The following SGIP1 variants were observed in gnomAD, a reference collection of about 807,000 sequenced individuals.
The protein encoded by SGIP1 is SH3GL interacting endocytic adaptor 1.
A neutral mutation model predicts 107.5 loss-of-function variants in SGIP1; 38 were observed. The observed-to-expected ratio is 0.35, with a 90% CI of 0.27 to 0.46. The LOEUF is 0.46. Among genes scored for constraint, SGIP1 ranks in the 20% least tolerant of loss-of-function variants. The pLI, the probability that SGIP1 is intolerant of heterozygous loss-of-function variation, is 1.00. For synonymous variants in SGIP1, 365 were observed against 366.1 expected (o/e 1.00, Z 0.03); for missense variants, 929 against 1,019.5 (o/e 0.91, Z 1.21).
intron 12 of SGIP1, among the ~76,000 whole-genome samples, chr1:66,674,470 G>A (rs2084700253): frequency 6.6e-6 from 1 of 152,154 alleles, no homozygotes; most frequent in Admixed American, 6.5e-5. Context: ...CATGGTAAAT[G>A]TATAATAACA....
intron 1 of SGIP1, among the ~76,000 whole-genome samples, chr1:66,621,616 C>A (rs774728634): frequency 2.0e-5 from 3 of 152,182 alleles, no homozygotes; most frequent in African/African-American, 7.2e-5. Flanking sequence ...CCACTCCACT[C>A]GGCCTCTGTC....
intron 1 of SGIP1, among the ~76,000 whole-genome samples, chr1:66,581,391 T>C (rs961994117): frequency 6.6e-6 from 1 of 152,170 alleles, no homozygotes. Flanking sequence ...GTATTTATGA[T>C]GTAACCATAA....
intron 21 of SGIP1, among the ~76,000 whole-genome samples, chr1:66,738,827 A>G (rs1490161490): frequency 6.6e-6 from 1 of 152,202 alleles, no homozygotes; most frequent in African/African-American, 2.4e-5. Flanking sequence ...GGTGACATTT[A>G]TCAAAATGTA....
In SGIP1 at chr1:66,676,949, A is replaced by G. The variant is rs2085514273; in HGVS notation, c.647-55A>G. ...ACTTGAAATCGAAATTTTAAGTTCT[A>G]AAGTATGGGGATTTTTTTTAACTCA... On this transcript the variant is annotated intron_variant, in intron 12 of 24. Transcript: ENST00000371037. 4.2e-6 allele frequency: 6 copies of G among 1,442,028 alleles called. 1 individual carries two copies. The African/African-American group carries it at 5.7e-5, about 14-fold the overall frequency. The allele number at this position is 1,442,028 out of a possible 1,614,324, so 89.3% of individuals were successfully genotyped here. A position where few individuals can be genotyped will look rare whatever the true frequency, so the allele number is the denominator to read the frequency against.
chr1:66,671,675 G>A (rs1302671015), intron 10 of SGIP1, among the ~76,000 whole-genome samples: 2 of 152,184 alleles, frequency 1.3e-5, no homozygotes, highest in Non-Finnish European at 2.9e-5. Flanking sequence ...CTTTCACTAA[G>A]TGCTGCACTA....
At chr1:66,572,860 A>G (rs1246105903) in intron 1 of SGIP1, among the ~76,000 whole-genome samples, 3 of 152,168 alleles carry the variant, frequency 2.0e-5, no homozygotes, top group African/African-American at 7.2e-5. Context: ...AAGATGAAAT[A>G]TTATTCAGCA....
intron 1 of SGIP1, among the ~76,000 whole-genome samples, chr1:66,585,969 T>A (rs2062550610): frequency 3.9e-5 from 6 of 152,234 alleles, no homozygotes; most frequent in Admixed American, 3.9e-4. Flanking sequence ...AGTCTCCAAC[T>A]ACAATTGTGG....
intron 1 of SGIP1, 83 bp downstream of exon 1, chr1:66,534,451 T>C: frequency 6.6e-7 from 1 of 1,515,816 alleles, no homozygotes; most frequent in Non-Finnish European, 9.2e-7. Flanking sequence ...AGCCAGTGTA[T>C]GTGGCGGTTC....
chr1:66,618,746 T>C (rs570550864), intron 1 of SGIP1, among the ~76,000 whole-genome samples: 2 of 152,332 alleles, frequency 1.3e-5, no homozygotes, highest in African/African-American at 4.8e-5. Flanking sequence ...GAGCTGCCTT[T>C]CCCTCACCCC....
At chr1:66,637,466 T>G (rs2076016442) in intron 4 of SGIP1, among the ~76,000 whole-genome samples, 1 of 151,282 alleles carries the variant, frequency 6.6e-6, no homozygotes, top group Non-Finnish European at 1.5e-5. Context: ...TGTGTGTGTG[T>G]GTGTGTGTGT....
chr1:66,607,399 G>A (rs1368582231), intron 1 of SGIP1, among the ~76,000 whole-genome samples: 1 of 152,210 alleles, frequency 6.6e-6, no homozygotes, highest in Non-Finnish European at 1.5e-5. Context: ...GACATGAACA[G>A]CAAGCTATGT....
rs181022577 is a variant in SGIP1 at position 66,677,826 on chromosome 1, G to A, written c.739+730G>A. Among the ~76,000 whole-genome samples the A allele has an allele frequency of 3.9e-4, 60 of 152,286 alleles. No individual in the cohort carries two copies. The East Asian group carries it at 0.011, about 28-fold the overall frequency. On this transcript the variant is annotated intron_variant, in intron 13 of 24. Transcript: ENST00000371037. ...GTGGAAAGCACTCTTTTCAAAAAAA[G>A]GTGTTTGGGGAGGAGAGAGATGCAG...
At chr1:66,568,888 C>A (rs1437993973) in intron 1 of SGIP1, among the ~76,000 whole-genome samples, 1 of 151,710 alleles carries the variant, frequency 6.6e-6, no homozygotes, top group Non-Finnish European at 1.5e-5. Context: ...TAATAGTATC[C>A]AAAATTTCTC....
chr1:66,738,540 A>G (rs2094343878), intron 21 of SGIP1, among the ~76,000 whole-genome samples: 1 of 152,236 alleles, frequency 6.6e-6, no homozygotes, highest in Admixed American at 6.5e-5. Context: ...TTGTCTTTAG[A>G]TAAATGTTTG....
intron 17 of SGIP1, 80 bp downstream of exon 17, chr1:66,690,396 G>C (rs1206920355): frequency 6.4e-7 from 1 of 1,556,468 alleles, no homozygotes; most frequent in African/African-American, 1.4e-5. Flanking sequence ...CCAAGGCCCT[G>C]TGTTTCTGGT....
chr1:66,634,683 A>G (rs2075439944), intron 3 of SGIP1, among the ~76,000 whole-genome samples: 1 of 152,232 alleles, frequency 6.6e-6, no homozygotes, highest in Non-Finnish European at 1.5e-5. Context: ...GGAAAGATAA[A>G]TTAGTTAATT....
At chr1:66,553,253 A>C (rs1334895797) in intron 1 of SGIP1, among the ~76,000 whole-genome samples, 1 of 152,178 alleles carries the variant, frequency 6.6e-6, no homozygotes, top group Admixed American at 6.5e-5. Flanking sequence ...CAGAGACAGT[A>C]AAGAAGAATT....
At chr1:66,687,252 A>G (rs918415949) in intron 15 of SGIP1, among the ~76,000 whole-genome samples, 2 of 151,496 alleles carry the variant, frequency 1.3e-5, no homozygotes, top group Non-Finnish European at 2.9e-5. Context: ...TTTCCTATGC[A>G]TGGTTTTCAC....
At chr1:66,726,209 A>T (rs1266199032) in intron 19 of SGIP1, among the ~76,000 whole-genome samples, 1 of 152,038 alleles carries the variant, frequency 6.6e-6, no homozygotes, top group African/African-American at 2.4e-5. Flanking sequence ...GTGAAGGAAA[A>T]CCCCTTTCTC....
Sources: allele counts gnomAD v4.1 joint callset (sites outside exome capture counted in the v4.1 genomes callset), GRCh38; gene constraint gnomAD v4.1.1; transcripts MANE v1.5; gene names NCBI Gene and HGNC (gene_info 2026-07-23, HGNC 2026-07-21).